The following HDX variants were observed in gnomAD, a reference collection of about 807,000 sequenced individuals.
The protein encoded by HDX is highly divergent homeobox, also known as chromosome X open reading frame 43.
A neutral mutation model predicts 45.2 loss-of-function variants in HDX; 19 were observed. The observed-to-expected ratio is 0.42, with a 90% CI of 0.29 to 0.62. The LOEUF is 0.62. HDX is among the 20% of genes least tolerant of loss of function. The probability of loss-of-function intolerance (pLI) is 0.20; values close to 1 mark genes in which losing one functional copy is unlikely to be tolerated. For synonymous variants in HDX, 188 were observed against 172.8 expected (o/e 1.09, Z -0.69); for missense variants, 532 against 493.9 (o/e 1.08, Z -0.73).
At chrX:84,499,955 TG>T (rs974256613) in intron 1 of HDX, 1 of 112,065 alleles carries the variant, frequency 8.9e-6, no homozygotes, top group African/African-American at 3.2e-5. Context: ...GTAGATAAAA[TG>T]TAATAAAAAG....
At chrX:84,432,089 G>C (rs892351878) in intron 5 of HDX, among the ~76,000 whole-genome samples, 1 of 110,041 alleles carries the variant, frequency 9.1e-6, no homozygotes, top group African/African-American at 3.3e-5. Context: ...TATTGAATAT[G>C]GAATCTTTTT....
intron 2 of HDX, among the ~76,000 whole-genome samples, chrX:84,475,725 T>C (rs1256285506): frequency 1.8e-5 from 2 of 112,312 alleles, no homozygotes; most frequent in African/African-American, 6.5e-5. Flanking sequence ...TAAATATTTA[T>C]GGCTAGTAAA....
chrX:84,488,897 A>C (rs1424759727), intron 1 of HDX, among the ~76,000 whole-genome samples: 1 of 111,787 alleles, frequency 8.9e-6, no homozygotes, highest in East Asian at 2.8e-4. Context: ...ATTTTTGCAT[A>C]TCCTTTTTAT....
rs755958995 is a variant in HDX at position 84,462,848 on chromosome X, T to G, written c.1251+5624A>C. Among the ~76,000 whole-genome samples the G allele has an allele frequency of 9.0e-5, 10 of 111,305 alleles. No homozygotes were observed. The South Asian group carries it at 3.8e-3, about 42-fold the overall frequency. ...TAACTCATTCATGGATCAGAAAACATAATATGAAGTATTAATGCATGCTAT... is the reference window on the plus strand; with the variant it reads ...TAACTCATTCATGGATCAGAAAACAGAATATGAAGTATTAATGCATGCTAT... On this transcript the variant is annotated intron_variant, in intron 4 of 10. Transcript: ENST00000373177.
intron 7 of HDX, among the ~76,000 whole-genome samples, chrX:84,338,104 G>A (rs765100386): frequency 1.8e-5 from 2 of 110,797 alleles, no homozygotes; most frequent in African/African-American, 6.6e-5. Context: ...CAGCCCTCAC[G>A]AATTTTTCGA....
At chrX:84,331,616 C>A (rs749282872) in intron 9 of HDX, among the ~76,000 whole-genome samples, 1 of 111,279 alleles carries the variant, frequency 9.0e-6, no homozygotes, top group African/African-American at 3.3e-5. Flanking sequence ...TGTATAACAA[C>A]GTTTCAGTCA....
intron 4 of HDX, among the ~76,000 whole-genome samples, chrX:84,465,153 A>T (rs185149156): frequency 3.1e-4 from 35 of 112,286 alleles, no homozygotes; most frequent in African/African-American, 1.1e-3. Flanking sequence ...AATGGTAATC[A>T]TTAAAAAGTC....
chrX:84,379,322 G>T (rs1485253007), intron 5 of HDX, among the ~76,000 whole-genome samples: 1 of 110,113 alleles, frequency 9.1e-6, no homozygotes, highest in Non-Finnish European at 1.9e-5. Flanking sequence ...CATTGGACAG[G>T]TCTTTCAGAC....
intron 5 of HDX, among the ~76,000 whole-genome samples, chrX:84,382,735 T>C (rs1200368041): frequency 1.8e-5 from 2 of 111,274 alleles, no homozygotes; most frequent in African/African-American, 3.3e-5. Context: ...TAAGGATAGT[T>C]AATGGCTACA....
intron 4 of HDX, among the ~76,000 whole-genome samples, chrX:84,456,656 C>T (rs2040119163): frequency 9.0e-6 from 1 of 110,914 alleles, no homozygotes; most frequent in Non-Finnish European, 1.9e-5. Context: ...TAAAGACACA[C>T]CTAGACTGAA....
At chrX:84,421,985 A>G (rs1427819889) in intron 5 of HDX, among the ~76,000 whole-genome samples, 1 of 108,562 alleles carries the variant, frequency 9.2e-6, no homozygotes, top group Non-Finnish European at 1.9e-5. Context: ...AACTGTCAAC[A>G]TTAGAAAGAT....
At chrX:84,349,781 A>G (rs2147815037) in intron 6 of HDX, among the ~76,000 whole-genome samples, 1 of 108,497 alleles carries the variant, frequency 9.2e-6, no homozygotes, top group East Asian at 2.9e-4. Flanking sequence ...AAATGGAACT[A>G]CAGGCCATTA....
rs747808748 is a variant in HDX at position 84,361,623 on chromosome X, C to T, written c.1306-11G>A. On this transcript the variant is annotated splice_polypyrimidine_tract_variant and intron_variant, in intron 5 of 10. Transcript: ENST00000373177. ...AGTGCGGTCCTGTAGCTGAAAAACA[C>T]ATTTTTAAATTGTTTTGAATTTTAA... The T allele has an allele frequency of 1.4e-5, 16 of 1,140,923 alleles. No individual in the cohort carries two copies. Among genetic ancestry groups the T allele is most frequent in the Non-Finnish European group, 1.9e-5 (16 of 852,556 alleles). 94.0% of individuals were successfully genotyped at this position (1,140,923 alleles called of 1,213,427 possible).
At chrX:84,362,077 A>G (rs1292293594) in intron 5 of HDX, among the ~76,000 whole-genome samples, 1 of 111,557 alleles carries the variant, frequency 9.0e-6, no homozygotes, top group African/African-American at 3.3e-5. Context: ...AAGTTAATCT[A>G]GATTTGCCAT....
At chrX:84,451,165 G>A (rs1431245617) in intron 4 of HDX, among the ~76,000 whole-genome samples, 2 of 110,040 alleles carry the variant, frequency 1.8e-5, no homozygotes, top group African/African-American at 6.6e-5. Context: ...AGAAATAAAG[G>A]AATAATAAAT....
At chrX:84,331,849 T>C (rs2036848952) in intron 9 of HDX, among the ~76,000 whole-genome samples, 1 of 111,795 alleles carries the variant, frequency 8.9e-6, no homozygotes, top group Non-Finnish European at 1.9e-5. Flanking sequence ...CTATACCATA[T>C]ACCCTAGGTA....
intron 3 of HDX, among the ~76,000 whole-genome samples, chrX:84,472,244 G>T (rs937327242): frequency 9.0e-6 from 1 of 110,980 alleles, no homozygotes; most frequent in Non-Finnish European, 1.9e-5. Flanking sequence ...ACATACATAT[G>T]CATATTATAT....
intron 4 of HDX, among the ~76,000 whole-genome samples, chrX:84,444,201 G>A (rs977442268): frequency 3.6e-5 from 4 of 111,070 alleles, no homozygotes; most frequent in Non-Finnish European, 7.6e-5. Context: ...TTTGGGGAAT[G>A]GTCAGTTCAA....
At chrX:84,399,283 T>C (rs2038641973) in intron 5 of HDX, among the ~76,000 whole-genome samples, 1 of 108,056 alleles carries the variant, frequency 9.3e-6, no homozygotes, top group Admixed American at 9.8e-5. Context: ...CCAGGAGCTG[T>C]TTTTTGAAAA....
Sources: allele counts gnomAD v4.1 joint callset (sites outside exome capture counted in the v4.1 genomes callset), GRCh38; gene constraint gnomAD v4.1.1; transcripts MANE v1.5; gene names NCBI Gene and HGNC (gene_info 2026-07-23, HGNC 2026-07-21).